Variants in EP300 observed in about 807,000 individuals in gnomAD.
EP300 encodes the protein EP300 lysine acetyltransferase, also known as histone acetyltransferase p300.
In EP300, 31 loss-of-function variants were observed where a neutral mutation model predicts 264.0. The ratio of observed to expected loss-of-function variants is 0.12; its 90% CI spans 0.09 to 0.16. The LOEUF (loss-of-function observed/expected upper bound fraction) is 0.16, where lower values mean the gene tolerates loss of function less well. Among genes scored for constraint, EP300 ranks in the 10% least tolerant of loss-of-function variants. The pLI is 1.00. For missense variants in EP300, 2,766 were observed against 3,052.9 expected (o/e 0.91, Z 2.21); for synonymous variants, 1,340 against 1,045.4 (o/e 1.28, Z -5.44).
Position 41,177,858 on chromosome 22 carries a change from A to C in EP300, c.6147A>C (p.Gln2049His). 6.2e-7 allele frequency: 1 copy of C among 1,614,144 alleles called. No homozygotes were observed. Among genetic ancestry groups the C allele is most frequent in the Non-Finnish European group, 8.5e-7 (1 of 1,180,010 alleles). The change falls in exon 31 of 31, where the codon CAA (glutamine) becomes CAC (histidine). Residue 2049 changes from glutamine to histidine, a missense_variant. Physicochemically the swap from Gln to His is conservative, Grantham distance 24. Coordinates refer to ENST00000263253, the MANE Select transcript of EP300 (RefSeq NM_001429.4). ...SPLKPGTVSQ[Q>H]ALQNLLRTLR... ...TCAAACCAGGCACTGTGTCTCAACA[A>C]GCCTTACAAAACCTTTTGCGGACTC...
intron 1 of EP300, among the ~76,000 whole-genome samples, chr22:41,114,580 C>T (rs536646247): frequency 6.6e-6 from 1 of 152,244 alleles, no homozygotes; most frequent in African/African-American, 2.4e-5. Context: ...TCTTGGGATA[C>T]AATTTGACTT....
rs569859626 is a variant in EP300 at position 41,098,532 on chromosome 22, C to T, written c.94+5434C>T. Among the ~76,000 whole-genome samples the T allele has an allele frequency of 4.6e-5, 7 of 152,148 alleles. 1 individual carries two copies. The South Asian group carries it at 8.3e-4, about 18-fold the overall frequency. ...GACTACAGGCGCCCGCCACCACACC[C>T]GGCTAATTTTTTGTATTTTTAGTAG... On this transcript the variant is annotated intron_variant, in intron 1 of 30. Coordinates refer to ENST00000263253, the MANE Select transcript of EP300 (RefSeq NM_001429.4).
chr22:41,147,858 T>C lies in EP300; in HGVS notation c.2153T>C (p.Met718Thr), dbSNP rs1476439746. The C allele has an allele frequency of 6.2e-7, 1 of 1,614,018 alleles. No individual in the cohort carries two copies. Among genetic ancestry groups the C allele is most frequent in the South Asian group, 1.1e-5 (1 of 91,084 alleles). The change falls in exon 12 of 31, where the codon ATG becomes ACG. Residue 718 changes from methionine (M) to threonine (T), a missense_variant. Coordinates refer to ENST00000263253, the MANE Select transcript of EP300 (RefSeq NM_001429.4). ...PQSGLNQFGQ[M>T]SMAQPPIVPR... Reference sequence around the variant, plus strand: ...ACAGGTTTGAATCAATTTGGCCAGATGAGCATGGCCCAGCCCCCTATTGTA... The same window carrying C: ...ACAGGTTTGAATCAATTTGGCCAGACGAGCATGGCCCAGCCCCCTATTGTA...
chr22:41,110,503 G>A (rs1026560520), intron 1 of EP300, among the ~76,000 whole-genome samples: 1 of 151,232 alleles, frequency 6.6e-6, no homozygotes, highest in African/African-American at 2.4e-5. Flanking sequence ...ATGTTGGCCA[G>A]GCTGGTCTTG....
rs2059224370 is a variant in EP300 at position 41,179,166 on chromosome 22, G to A, written c.*210G>A. On this transcript the variant is annotated 3_prime_UTR_variant, in exon 31 of 31. Coordinates refer to ENST00000263253, the MANE Select transcript of EP300 (RefSeq NM_001429.4). ...AATACAAAGAATATATTTTTGTTAT[G>A]GCTGGTTACCACCAGCCTTTCTTCC... is the stretch of plus-strand genomic sequence containing the variant. 1.6e-6 allele frequency: 1 copy of A among 615,570 alleles called. No individual in the cohort carries two copies. Among genetic ancestry groups the A allele is most frequent in the Non-Finnish European group, 2.8e-6 (1 of 358,484 alleles). The allele number at this position is 615,570 out of a possible 1,614,324, so 38.1% of individuals were successfully genotyped here.
chr22:41,113,401 A>G (rs1005078699), intron 1 of EP300, among the ~76,000 whole-genome samples: 2 of 152,068 alleles, frequency 1.3e-5, no homozygotes, highest in South Asian at 2.1e-4. Context: ...ATGCTGTTAC[A>G]TTCCTATTTC....
chr22:41,093,904 T>C (rs1019619412), intron 1 of EP300, among the ~76,000 whole-genome samples: 47 of 152,236 alleles, frequency 3.1e-4, no homozygotes, highest in African/African-American at 1.1e-3. Context: ...GTTCCAATCA[T>C]GAACTACAAA....
rs1308147468 is a variant in EP300 at position 41,150,158 on chromosome 22, C to A, written c.2777C>A (p.Thr926Asn). The change falls in exon 14 of 31, where the codon ACC becomes AAC. Residue 926 changes from threonine (T) to asparagine (N), a missense_variant. Transcript: ENST00000263253. Reference sequence around the variant, plus strand: ...CAGAGCACAGCAGCGTCTGTTCCTACCCCAACAGCACCGCTGCTTCCTCCG... The same window carrying A: ...CAGAGCACAGCAGCGTCTGTTCCTAACCCAACAGCACCGCTGCTTCCTCCG... ...SQQSTAASVPTPTAPLLPPQP... is the reference protein window; with the variant it reads ...SQQSTAASVPNPTAPLLPPQP... The A allele has an allele frequency of 6.2e-7, 1 of 1,611,406 alleles. No homozygotes were observed. Among genetic ancestry groups the A allele is most frequent in the African/African-American group, 1.3e-5 (1 of 74,920 alleles).
Position 41,157,151 on chromosome 22 carries a change from T to C in EP300, c.3262-18T>C. On this transcript the variant is annotated intron_variant, in intron 17 of 30. Coordinates refer to ENST00000263253, the MANE Select transcript of EP300 (RefSeq NM_001429.4). Reference sequence around the variant, plus strand: ...ATAGTGAGACTTGAGTAATGTTTGATGTCACTTGTCTTTCTAGGATTACTT... The same window carrying C: ...ATAGTGAGACTTGAGTAATGTTTGACGTCACTTGTCTTTCTAGGATTACTT... 1 of 1,613,920 alleles carries C rather than the reference T, an allele frequency of 6.2e-7. No homozygotes were observed. Among genetic ancestry groups the C allele is most frequent in the Non-Finnish European group, 8.5e-7 (1 of 1,179,918 alleles).
At chr22:41,108,845 T>TA (rs1210548466) in intron 1 of EP300, among the ~76,000 whole-genome samples, 1 of 152,222 alleles carries the variant, frequency 6.6e-6, no homozygotes, top group Non-Finnish European at 1.5e-5. Context: ...TCATTTGTGA[T>TA]ACTGTTTTTT....
At chr22:41,165,378 C>A (rs532194938) in intron 22 of EP300, among the ~76,000 whole-genome samples, 2 of 152,212 alleles carry the variant, frequency 1.3e-5, no homozygotes, top group Non-Finnish European at 2.9e-5. Flanking sequence ...CACCCAGATT[C>A]CTCACTACAG....
intron 3 of EP300, among the ~76,000 whole-genome samples, chr22:41,127,263 G>T (rs1439335920): frequency 6.6e-6 from 1 of 151,706 alleles, no homozygotes; most frequent in Non-Finnish European, 1.5e-5. Flanking sequence ...TGCTCTCTGT[G>T]TATTATACAT....
chr22:41,174,256 C>T (rs1203355607), intron 29 of EP300, among the ~76,000 whole-genome samples: 5 of 152,010 alleles, frequency 3.3e-5, no homozygotes, highest in East Asian at 3.9e-4. Flanking sequence ...CATGGCGAAC[C>T]GAAACCCCGT....
At position 41,179,028 on chromosome 22, in the gene EP300, TTTTTTGAATCTTTC is replaced by T; in HGVS notation, c.*73_*86del. The T allele has an allele frequency of 6.3e-7, 1 of 1,576,106 alleles. No individual in the cohort carries two copies. Among genetic ancestry groups the T allele is most frequent in the Non-Finnish European group, 8.6e-7 (1 of 1,157,136 alleles). On this transcript the variant is annotated 3_prime_UTR_variant, in exon 31 of 31. Transcript: ENST00000263253. The stretch of plus-strand genomic sequence containing the variant: ...CAAGACTTTTTGTACTGAAAACAAT[TTTTTTGAATCTTTC>T]GTAGCCTAAAAGACAATTTTCCTTG...
chr22:41,100,429 T>C (rs2058725232), intron 1 of EP300, among the ~76,000 whole-genome samples: 1 of 152,106 alleles, frequency 6.6e-6, no homozygotes, highest in African/African-American at 2.4e-5. Context: ...TCTATCCAAA[T>C]GTTGTTTTCT....
chr22:41,092,912 C>A lies in EP300; in HGVS notation c.-93C>A. On this transcript the variant is annotated 5_prime_UTR_variant, in exon 1 of 31. Coordinates refer to ENST00000263253, the MANE Select transcript of EP300 (RefSeq NM_001429.4). The stretch of plus-strand genomic sequence containing the variant: ...TCGGGTGCCGTCGGAGCCCCCCAGC[C>A]CACCCCTGGGTGCGGCGCGGGGACC... 1 of 1,440,556 alleles carries A rather than the reference C, an allele frequency of 6.9e-7. No homozygotes were observed. The highest frequency in any genetic ancestry group is 9.8e-7 in the Non-Finnish European group (1 of 1,023,046). 89.2% of individuals were successfully genotyped at this position (1,440,556 alleles called of 1,614,324 possible).
chr22:41,135,764 GGTGGCT>G (rs2058947071), intron 6 of EP300, 43 bp from the exon 7 acceptor site: 1 of 1,323,222 alleles, frequency 7.6e-7, no homozygotes. Context: ...TTTATTGTAT[GGTGGCT>G]GTTGTATTTA....
chr22:41,168,757 A>G lies in EP300; in HGVS notation c.4062A>G (p.Pro1354=). The G allele has an allele frequency of 6.2e-7, 1 of 1,614,190 alleles. No individual in the cohort carries two copies. Among genetic ancestry groups the G allele is most frequent in the East Asian group, 2.2e-5 (1 of 44,888 alleles). Residue 1354 remains proline (P), a synonymous_variant, in exon 25 of 31, where the codon CCA becomes CCG. Transcript: ENST00000263253. ...GTGGAGAGATGGCAGAATCCTTTCC[A>G]TACCGAACCAAAGCCCTCTTTGCCT... ...VDSGEMAESF[P]YRTKALFAFE...
chr22:41,168,380 T>A lies in EP300; in HGVS notation c.3875-69T>A, dbSNP rs1024379943. On this transcript the variant is annotated intron_variant, in intron 23 of 30. Coordinates refer to ENST00000263253, the MANE Select transcript of EP300 (RefSeq NM_001429.4). ...TATTGAAAAAAGTACAAATGAGATT[T>A]GAGGTTGAACCTTAAGACTAACAAC... 36 of 1,565,344 alleles carry A rather than the reference T, an allele frequency of 2.3e-5. 1 individual carries two copies. In the South Asian group the frequency reaches 2.3e-4, roughly 10 times the overall value.
Sources: allele counts gnomAD v4.1 joint callset (sites outside exome capture counted in the v4.1 genomes callset), GRCh38; gene constraint gnomAD v4.1.1; transcripts MANE v1.5; gene names NCBI Gene and HGNC (gene_info 2026-07-23, HGNC 2026-07-21).